Variants in DLGAP1 observed in about 807,000 individuals in gnomAD.
DLGAP1 encodes the protein disks large-associated protein 1.
DLGAP1 carries 11 observed loss-of-function variants against 90.8 expected under a neutral mutation model. The observed-to-expected ratio is 0.12, with a 90% confidence interval of 0.08 to 0.20. DLGAP1 has a LOEUF of 0.20. Ranked by LOEUF, DLGAP1 falls within the 10% of genes least tolerant of loss-of-function variation. DLGAP1 has a pLI of 1.00. For synonymous variants in DLGAP1, 558 were observed against 540.7 expected (o/e 1.03, Z -0.44); for missense variants, 1,050 against 1,333.8 (o/e 0.79, Z 3.31).
At chr18:3,876,025 G>GAAA (rs35857812) in intron 4 of DLGAP1, among the ~76,000 whole-genome samples, 4 of 134,858 alleles carry the variant, frequency 3.0e-5, no homozygotes, top group Admixed American at 7.6e-5. Flanking sequence ...CAATAGAGCT[G>GAAA]AAAAAAAAAA....
chr18:4,348,037 C>T (rs2081331916), intron 1 of DLGAP1, among the ~76,000 whole-genome samples: 1 of 151,990 alleles, frequency 6.6e-6, no homozygotes, highest in Admixed American at 6.6e-5. Context: ...TAAATAACCA[C>T]AGTGAAGGGG....
intron 4 of DLGAP1, among the ~76,000 whole-genome samples, chr18:3,833,381 A>G (rs921403203): frequency 1.3e-4 from 19 of 151,830 alleles, no homozygotes; most frequent in African/African-American, 4.6e-4. Flanking sequence ...CCACAGGCAC[A>G]TGCCACCACG....
intron 5 of DLGAP1, among the ~76,000 whole-genome samples, chr18:3,806,864 G>C (rs1322412845): frequency 6.6e-6 from 1 of 152,188 alleles, no homozygotes; most frequent in African/African-American, 2.4e-5. Flanking sequence ...GAAGCCAGCT[G>C]TCAAGGGTGC....
chr18:3,718,928 A>G (rs1409674498), intron 7 of DLGAP1, among the ~76,000 whole-genome samples: 280 of 3,352 alleles, frequency 0.084, 1 homozygote, highest in Admixed American at 0.12. Flanking sequence ...CTTTGTCTGA[A>G]AAAAAAAAAA....
chr18:3,656,770 T>G (rs2059499412), intron 7 of DLGAP1, among the ~76,000 whole-genome samples: 2 of 152,014 alleles, frequency 1.3e-5, no homozygotes, highest in Non-Finnish European at 2.9e-5. Flanking sequence ...TCTCGCTCTG[T>G]CACCCAGGCT....
At chr18:3,614,850 A>G (rs2057785810) in intron 7 of DLGAP1, among the ~76,000 whole-genome samples, 2 of 93,112 alleles carry the variant, frequency 2.1e-5, no homozygotes, top group African/African-American at 5.1e-5. Context: ...ACTCTGTCTC[A>G]AGAAAAAAAA....
At chr18:4,188,093 A>T (rs2077331144) in intron 1 of DLGAP1, among the ~76,000 whole-genome samples, 1 of 152,140 alleles carries the variant, frequency 6.6e-6, no homozygotes, top group South Asian at 2.1e-4. Flanking sequence ...TCAAAAGGAC[A>T]TTGGCATCTG....
chr18:3,906,917 C>T (rs990840795), intron 3 of DLGAP1, among the ~76,000 whole-genome samples: 9 of 151,842 alleles, frequency 5.9e-5, no homozygotes, highest in Admixed American at 2.0e-4. Flanking sequence ...AAAACATTAG[C>T]GAATGAATAT....
intron 7 of DLGAP1, among the ~76,000 whole-genome samples, chr18:3,675,452 C>T (rs2060264785): frequency 6.6e-6 from 1 of 152,212 alleles, no homozygotes; most frequent in South Asian, 2.1e-4. Flanking sequence ...ACACTCAGAT[C>T]CAGCAACATC....
At chr18:3,901,918 G>A (rs1339096832) in intron 3 of DLGAP1, among the ~76,000 whole-genome samples, 1 of 152,120 alleles carries the variant, frequency 6.6e-6, no homozygotes, top group Non-Finnish European at 1.5e-5. Context: ...AGGTGTCCGT[G>A]GTACTCTGAG....
intron 1 of DLGAP1, among the ~76,000 whole-genome samples, chr18:4,428,371 A>G (rs1166020552): frequency 1.3e-5 from 2 of 152,136 alleles, no homozygotes; most frequent in Non-Finnish European, 2.9e-5. Context: ...ACTTGAGGCC[A>G]GAAGTTCGAG....
chr18:4,088,421 AT>A (rs957013618), intron 2 of DLGAP1, among the ~76,000 whole-genome samples: 1 of 119,854 alleles, frequency 8.3e-6, no homozygotes, highest in African/African-American at 3.0e-5. Context: ...CCCTCACATA[AT>A]TTTCCTTTGT....
chr18:3,803,481 G>C (rs1001370838), intron 5 of DLGAP1, among the ~76,000 whole-genome samples: 1 of 152,182 alleles, frequency 6.6e-6, no homozygotes, highest in Non-Finnish European at 1.5e-5. Flanking sequence ...TGCTACCGAG[G>C]TGGTGGCAAT....
chr18:3,528,149 C>T (rs1473604079), intron 10 of DLGAP1, among the ~76,000 whole-genome samples: 1 of 152,172 alleles, frequency 6.6e-6, no homozygotes, highest in Admixed American at 6.5e-5. Context: ...GTTTGTCAGG[C>T]ACCCTGAAGA....
chr18:3,705,024 G>A (rs915593864), intron 7 of DLGAP1, among the ~76,000 whole-genome samples: 2 of 152,322 alleles, frequency 1.3e-5, no homozygotes, highest in South Asian at 4.1e-4. Flanking sequence ...GGTAATAGAG[G>A]ACAAAAGTGT....
intron 1 of DLGAP1, among the ~76,000 whole-genome samples, chr18:4,159,546 G>A (rs1188926763): frequency 6.6e-6 from 1 of 151,986 alleles, no homozygotes; most frequent in Non-Finnish European, 1.5e-5. Context: ...CTATTTATCT[G>A]TTTTTCTCAG....
chr18:3,713,310 C>T (rs1381358406), intron 7 of DLGAP1, among the ~76,000 whole-genome samples: 1 of 152,158 alleles, frequency 6.6e-6, no homozygotes, highest in Non-Finnish European at 1.5e-5. Context: ...GAGATATTAA[C>T]CCCACAACTG....
At chr18:3,675,677 A>G (rs1388615015) in intron 7 of DLGAP1, among the ~76,000 whole-genome samples, 2 of 151,822 alleles carry the variant, frequency 1.3e-5, no homozygotes, top group East Asian at 3.9e-4. Flanking sequence ...ACCCATCCCC[A>G]CCTCCATCTG....
At chr18:4,054,759 C>T (rs540220163) in intron 2 of DLGAP1, among the ~76,000 whole-genome samples, 2 of 152,084 alleles carry the variant, frequency 1.3e-5, no homozygotes, top group Non-Finnish European at 2.9e-5. Flanking sequence ...AGTTTTTAGC[C>T]ACAATATCAA....
Sources: allele counts gnomAD v4.1 joint callset (sites outside exome capture counted in the v4.1 genomes callset), GRCh38; gene constraint gnomAD v4.1.1; transcripts MANE v1.5; gene names NCBI Gene and HGNC (gene_info 2026-07-23, HGNC 2026-07-21).